Variants in CSMD3 observed in about 807,000 individuals in gnomAD.
The protein encoded by CSMD3 is CUB and sushi domain-containing protein 3.
In CSMD3, 177 loss-of-function variants were observed where a neutral mutation model predicts 435.2. The observed-to-expected ratio is 0.41, with a 90% CI of 0.36 to 0.46. The LOEUF (loss-of-function observed/expected upper bound fraction) is 0.46. Among genes scored for constraint, CSMD3 ranks in the 20% least tolerant of loss-of-function variants. The pLI is 0.34. For missense variants in CSMD3, 4,265 were observed against 4,504.6 expected, an observed-to-expected ratio of 0.95 and a Z score of 1.52; for synonymous variants, 1,656 against 1,520.5, an observed-to-expected ratio of 1.09 and a Z score of -2.07.
At chr8:113,339,624 T>C (rs553458756) in intron 1 of CSMD3, among the ~76,000 whole-genome samples, 6 of 152,136 alleles carry the variant, frequency 3.9e-5, no homozygotes, top group African/African-American at 1.4e-4. Context: ...GGTGAATGTA[T>C]GCCAATTGGG....
chr8:112,895,002 A>G (rs1228902042), intron 10 of CSMD3, among the ~76,000 whole-genome samples: 1 of 151,408 alleles, frequency 6.6e-6, no homozygotes, highest in Admixed American at 6.6e-5. Context: ...CATGGATGAG[A>G]GTTTGACTTA....
At chr8:112,724,430 T>G (rs2076924090) in intron 13 of CSMD3, among the ~76,000 whole-genome samples, 1 of 152,018 alleles carries the variant, frequency 6.6e-6, no homozygotes, top group Admixed American at 6.6e-5. Context: ...CCAAAATAAT[T>G]TGCTAATAAA....
chr8:112,659,647 T>C (rs1022225083), intron 17 of CSMD3, among the ~76,000 whole-genome samples: 8 of 152,282 alleles, frequency 5.3e-5, no homozygotes, highest in African/African-American at 1.7e-4. Flanking sequence ...CAGGAGCTGC[T>C]GGATATTGAG....
chr8:112,470,405 C>T (rs372236955), intron 32 of CSMD3, among the ~76,000 whole-genome samples: 13 of 151,912 alleles, frequency 8.6e-5, no homozygotes, highest in Admixed American at 1.3e-4. Context: ...TATGTTATTA[C>T]GCCAATCACT....
chr8:113,229,242 A>G (rs1355514120), intron 3 of CSMD3, among the ~76,000 whole-genome samples: 9 of 151,662 alleles, frequency 5.9e-5, no homozygotes, highest in Admixed American at 4.6e-4. Context: ...CTGTGAAACT[A>G]TCCTTTAAGT....
chr8:112,531,583 C>T (rs181533639), intron 27 of CSMD3, among the ~76,000 whole-genome samples: 1 of 152,212 alleles, frequency 6.6e-6, no homozygotes, highest in East Asian at 1.9e-4. Flanking sequence ...TTTCCATGAT[C>T]TCCCAAAAGT....
rs1003067613 is a variant in CSMD3, at chr8:112,387,703, C to T, written c.5934+2961G>A. Among the ~76,000 whole-genome samples the T allele has an allele frequency of 3.9e-5, 6 of 152,198 alleles. No individual in the cohort carries two copies. The South Asian group carries it at 6.2e-4, about 16-fold the overall frequency. ...GTACAGTCAATAAACAAAGTCCTTC[C>T]TCAGTGAAAGATTTTAGTGTTATTC... On this transcript the variant is annotated intron_variant, in intron 36 of 70. Coordinates refer to ENST00000297405, the MANE Select transcript of CSMD3 (RefSeq NM_198123.2).
intron 32 of CSMD3, among the ~76,000 whole-genome samples, chr8:112,435,898 T>C (rs1814282347): frequency 6.6e-6 from 1 of 152,032 alleles, no homozygotes; most frequent in African/African-American, 2.4e-5. Flanking sequence ...AAAGATGTTT[T>C]CATTTTTTTG....
intron 17 of CSMD3, 88 bp downstream of exon 17, chr8:112,666,189 A>C (rs2131705835): frequency 9.6e-7 from 1 of 1,046,302 alleles, no homozygotes; most frequent in Middle Eastern, 2.8e-4. Context: ...CAATAAAATT[A>C]AACATTCATT....
intron 13 of CSMD3, among the ~76,000 whole-genome samples, chr8:112,733,630 G>A (rs2077122104): frequency 6.8e-6 from 1 of 146,654 alleles, no homozygotes; most frequent in East Asian, 2.0e-4. Flanking sequence ...AAAACCATAA[G>A]AATACATGCA....
chr8:112,598,245 T>A lies in CSMD3; in HGVS notation c.3716-11010A>T, dbSNP rs899442640. Among the ~76,000 whole-genome samples, 362 of 135,716 alleles carry A rather than the reference T, an allele frequency of 2.7e-3. 10 individuals are homozygous for A. The highest frequency in any genetic ancestry group is 9.8e-3 in the African/African-American group (340 of 34,804). The allele number at this position is 135,716 out of a possible 152,430, so 89.0% of individuals were successfully genotyped here. ...AACAACAGACAAACAGAGAGCCAAA[T>A]CATGAGTGAACTCCCATTCACAATT... On this transcript the variant is annotated intron_variant, in intron 22 of 70. Transcript: ENST00000297405.
intron 30 of CSMD3, among the ~76,000 whole-genome samples, chr8:112,494,171 T>C (rs985302727): frequency 3.9e-5 from 6 of 152,116 alleles, no homozygotes; most frequent in African/African-American, 1.4e-4. Flanking sequence ...CTATATATAA[T>C]TTCTCCCAAT....
intron 23 of CSMD3, among the ~76,000 whole-genome samples, chr8:112,582,311 T>C (rs1221487660): frequency 6.6e-6 from 1 of 152,024 alleles, no homozygotes; most frequent in African/African-American, 2.4e-5. Context: ...GTCCAGCTGA[T>C]GTTGGTGCCA....
At chr8:112,571,117 C>T (rs921734199) in intron 24 of CSMD3, among the ~76,000 whole-genome samples, 2 of 152,130 alleles carry the variant, frequency 1.3e-5, no homozygotes, top group East Asian at 1.9e-4. Flanking sequence ...AAGCGGTTCT[C>T]CTGCCTCACC....
At chr8:113,145,267 C>T (rs543931966) in intron 4 of CSMD3, among the ~76,000 whole-genome samples, 1 of 151,628 alleles carries the variant, frequency 6.6e-6, no homozygotes, top group African/African-American at 2.4e-5. Context: ...GTAATGCAAT[C>T]ACAGTGTTTG....
In CSMD3 at chr8:113,211,213, G is replaced by C. The variant is rs532035204; in HGVS notation, c.515-37297C>G. On this transcript the variant is annotated intron_variant, in intron 3 of 70. Transcript: ENST00000297405. Reference sequence around the variant, plus strand: ...GAGAAATTTATTTAAATACATAATAGAGAATAATTTTCTCCTTTTAATAAT... The same window carrying C: ...GAGAAATTTATTTAAATACATAATACAGAATAATTTTCTCCTTTTAATAAT... Among the ~76,000 whole-genome samples the C allele has an allele frequency of 4.5e-4, 69 of 152,170 alleles. No individual in the cohort carries two copies. The East Asian group carries it at 0.012, about 27-fold the overall frequency.
At chr8:112,285,122 G>T (rs1166259139) in intron 58 of CSMD3, among the ~76,000 whole-genome samples, 1 of 151,754 alleles carries the variant, frequency 6.6e-6, no homozygotes, top group Non-Finnish European at 1.5e-5. Context: ...TATTGTATTT[G>T]CTACAACTAA....
At chr8:112,671,161 T>C (rs2075646521) in intron 16 of CSMD3, among the ~76,000 whole-genome samples, 1 of 152,138 alleles carries the variant, frequency 6.6e-6, no homozygotes, top group Non-Finnish European at 1.5e-5. Flanking sequence ...AACTTTAGTT[T>C]AACTAAATTT....
rs190754028 is a variant in CSMD3 at position 113,054,009 on chromosome 8, T to C, written c.918-34830A>G. Reference sequence around the variant, plus strand: ...AATGGTGGTCTGCCATGCCTCTGATTCAGCCCTGGCCTAGTTCTTCAAATT... The same window carrying C: ...AATGGTGGTCTGCCATGCCTCTGATCCAGCCCTGGCCTAGTTCTTCAAATT... On this transcript the variant is annotated intron_variant, in intron 5 of 70. Coordinates refer to ENST00000297405, the MANE Select transcript of CSMD3 (RefSeq NM_198123.2). Among the ~76,000 whole-genome samples, 425 of 152,274 alleles carry C rather than the reference T, an allele frequency of 2.8e-3. 2 individuals carry two copies. Among genetic ancestry groups the C allele is most frequent in the African/African-American group, 9.5e-3 (395 of 41,564 alleles).
Sources: gnomAD v4.1 joint callset for allele counts (sites outside exome capture counted in the v4.1 genomes callset) on GRCh38, gnomAD v4.1.1 for gene constraint, MANE v1.5 for transcripts, NCBI Gene and HGNC (gene_info 2026-07-23, HGNC 2026-07-21) for gene names.